SPAG6: variants seen among roughly 807,000 people sequenced by gnomAD.
SPAG6 encodes sperm associated antigen 6, also known as sperm-associated antigen 6.
SPAG6 carries 49 observed loss-of-function variants against 58.5 expected under a neutral mutation model. The observed-to-expected ratio is 0.84, with a 90% confidence interval of 0.67 to 1.06. The LOEUF (loss-of-function observed/expected upper bound fraction) is 1.06, where lower values mean the gene tolerates loss of function less well. SPAG6 is among the 50% of genes least tolerant of loss of function. The pLI is 0.00. For synonymous variants in SPAG6, 233 were observed against 225.6 expected (o/e 1.03, Z -0.29); for missense variants, 560 against 611.3 (o/e 0.92, Z 0.89).
At chr10:22,415,715 T>C (rs905258616) in intron 10 of SPAG6, among the ~76,000 whole-genome samples, 6 of 152,194 alleles carry the variant, frequency 3.9e-5, no homozygotes, top group Admixed American at 1.3e-4. Flanking sequence ...TAGATAAAGA[T>C]AACTAACAAA....
intron 4 of SPAG6, among the ~76,000 whole-genome samples, chr10:22,385,535 C>T (rs907749588): frequency 3.3e-5 from 5 of 152,126 alleles, no homozygotes; most frequent in South Asian, 4.1e-4. Flanking sequence ...TCATTGGCGC[C>T]GAGCTGAATG....
chr10:22,386,341 C>CA (rs903596542), intron 4 of SPAG6, among the ~76,000 whole-genome samples: 4 of 152,182 alleles, frequency 2.6e-5, no homozygotes, highest in African/African-American at 9.6e-5. Flanking sequence ...GTAAATAGCA[C>CA]AAAATACTGC....
chr10:22,387,375 TA>T (rs1307932336), intron 5 of SPAG6, among the ~76,000 whole-genome samples: 2 of 152,218 alleles, frequency 1.3e-5, no homozygotes, highest in East Asian at 3.8e-4. Flanking sequence ...TTTTATATTC[TA>T]ATAGTTATAT....
intron 3 of SPAG6, among the ~76,000 whole-genome samples, chr10:22,367,593 G>A (rs1326865956): frequency 6.6e-6 from 1 of 152,052 alleles, no homozygotes; most frequent in African/African-American, 2.4e-5. Flanking sequence ...TAAAATAGGG[G>A]TTTAATTGGG....
intron 2 of SPAG6, among the ~76,000 whole-genome samples, chr10:22,348,914 C>A (rs1272897006): frequency 6.6e-6 from 1 of 152,166 alleles, no homozygotes; most frequent in African/African-American, 2.4e-5. Context: ...CTCAATGCAA[C>A]CTCTGCCTCC....
intron 2 of SPAG6, chr10:22,360,893 T>G: frequency 9.4e-7 from 1 of 1,068,510 alleles, no homozygotes. Flanking sequence ...TTTTATTTCC[T>G]TCCTTCCTTC....
In SPAG6 at chr10:22,401,161, A is replaced by G. The variant is rs781363899; in HGVS notation, c.1198A>G (p.Ser400Gly). Residue 400 changes from serine to glycine, a missense_variant and splice_region_variant, in exon 9 of 11, where the codon AGT becomes GGT. Transcript: ENST00000376624. ...TESSEDLQVK[S>G]KKAIKNILQK... ...TATACATTCTGCTTTGTATTTCTAGAGTAAAAAAGCCATAAAGAATATCCT... is the reference window on the plus strand; with the variant it reads ...TATACATTCTGCTTTGTATTTCTAGGGTAAAAAAGCCATAAAGAATATCCT... The G allele has an allele frequency of 2.1e-6, 3 of 1,454,960 alleles. No homozygotes were observed. Among genetic ancestry groups the G allele is most frequent in the Non-Finnish European group, 2.9e-6 (3 of 1,035,870 alleles). The allele number at this position is 1,454,960 out of a possible 1,614,324, so 90.1% of individuals were successfully genotyped here.
At chr10:22,349,508 G>T (rs1330376237) in intron 2 of SPAG6, among the ~76,000 whole-genome samples, 1 of 152,176 alleles carries the variant, frequency 6.6e-6, no homozygotes, top group Non-Finnish European at 1.5e-5. Flanking sequence ...AACATGTTTT[G>T]TGGCTTACTG....
At chr10:22,408,748 T>G (rs1018425944) in intron 9 of SPAG6, among the ~76,000 whole-genome samples, 2 of 152,344 alleles carry the variant, frequency 1.3e-5, no homozygotes, top group Admixed American at 1.3e-4. Context: ...GCTGCCGCCT[T>G]TCAGTTTGAT....
Position 22,345,656 on chromosome 10 carries a change from G to A in SPAG6, c.25+20G>A. 1 of 1,558,040 alleles carries A rather than the reference G, an allele frequency of 6.4e-7. No individual in the cohort carries two copies. The stretch of plus-strand genomic sequence containing the variant: ...TGCAAGGTAGGGCCGAGGCGGGCAG[G>A]TGCCCTAACTAGCTGGCGCCGAGGA... On this transcript the variant is annotated intron_variant, in intron 1 of 10. Transcript: ENST00000376624. The surrounding 1 kb of genome is among the most constrained non-coding windows in gnomAD (Gnocchi z 6.3).
At chr10:22,385,213 G>A (rs917291199) in intron 4 of SPAG6, among the ~76,000 whole-genome samples, 1 of 152,074 alleles carries the variant, frequency 6.6e-6, no homozygotes, top group Non-Finnish European at 1.5e-5. Context: ...TTGGATGGGT[G>A]TGGGGGTGTG....
intron 2 of SPAG6, among the ~76,000 whole-genome samples, chr10:22,357,684 T>G (rs994038487): frequency 1.1e-4 from 16 of 151,252 alleles, no homozygotes; most frequent in Non-Finnish European, 1.9e-4. Context: ...GCTGCACCCA[T>G]TAACTCATCA....
In SPAG6 at chr10:22,345,536, T is replaced by C; in HGVS notation, c.-76T>C. 7.7e-7 allele frequency: 1 copy of C among 1,293,038 alleles called. No homozygotes were observed. Among genetic ancestry groups the C allele is most frequent in the South Asian group, 1.4e-5 (1 of 73,014 alleles). The allele number at this position is 1,293,038 out of a possible 1,614,324, so 80.1% of individuals were successfully genotyped here. On this transcript the variant is annotated 5_prime_UTR_variant, in exon 1 of 11. Transcript: ENST00000376624. This position sits in a 1 kb window ranked among gnomAD's most constrained non-coding sequence, Gnocchi z 6.3. ...GTCGGAGGCCGAGTCGTCGCCACGA[T>C]CGCCCCCTTGGTGGACTCGCAGGCC...
chr10:22,383,598 A>T (rs2132076381), intron 4 of SPAG6, among the ~76,000 whole-genome samples: 1 of 152,096 alleles, frequency 6.6e-6, no homozygotes, highest in South Asian at 2.1e-4. Context: ...AGATCACACC[A>T]CTGCACTCCA....
At chr10:22,387,010 AAAT>A in intron 5 of SPAG6, 51 bp downstream of exon 5, 1 of 1,374,902 alleles carries the variant, frequency 7.3e-7, no homozygotes, top group Non-Finnish European at 1.0e-6. Context: ...TAATGTAAGA[AAAT>A]GGAAATGTGT....
At chr10:22,386,709 G>A (rs368068352) in intron 4 of SPAG6, 45 bp from the exon 5 acceptor site, 6 of 1,493,732 alleles carry the variant, frequency 4.0e-6, no homozygotes, top group Non-Finnish European at 5.6e-6. Flanking sequence ...CTTGCACAAG[G>A]GTCAGTCACC....
chr10:22,346,467 TTCTTCTTCTTCTTCTTCTTCTTC>T (rs1474768596), intron 2 of SPAG6, among the ~76,000 whole-genome samples: 8 of 141,418 alleles, frequency 5.7e-5, no homozygotes, highest in African/African-American at 2.5e-4. Flanking sequence ...CTTCTTCTTC[TTCTTCTTCTTCTTCTTCTTCTTC>T]TTCTTCTTTC....
chr10:22,386,877 CAG>C lies in SPAG6; in HGVS notation c.599_600del (p.Glu200ValfsTer22), dbSNP rs1169733110. 1 of 1,613,834 alleles carries C rather than the reference CAG, an allele frequency of 6.2e-7. No homozygotes were observed. The highest frequency in any genetic ancestry group is 2.2e-5 in the East Asian group (1 of 44,884). On this transcript the variant is annotated frameshift_variant, in exon 5 of 11. Transcript: ENST00000376624. LOFTEE classifies it high-confidence loss of function. ...CTCAGTGATATTGCAAAGCATTCTC[CAG>C]AGTTAGCACAGACAGTAGTGGATGC...
intron 2 of SPAG6, among the ~76,000 whole-genome samples, chr10:22,352,937 C>T (rs1327038829): frequency 6.6e-6 from 1 of 152,122 alleles, no homozygotes; most frequent in Non-Finnish European, 1.5e-5. Flanking sequence ...ACTTTTGCTG[C>T]CAGGAAACTC....
Sources: gnomAD v4.1 joint callset for allele counts (sites outside exome capture counted in the v4.1 genomes callset) on GRCh38, gnomAD v4.1.1 for gene constraint, Gnocchi (gnomAD v3.1) non-coding constraint, MANE v1.5 for transcripts, NCBI Gene and HGNC (gene_info 2026-07-23, HGNC 2026-07-21) for gene names.